IQANK1: variants seen among roughly 807,000 people sequenced by gnomAD.
The protein encoded by IQANK1 is IQ motif and ankyrin repeat containing 1.
In IQANK1, 30 loss-of-function variants were observed where a neutral mutation model predicts 22.6. That is an observed-to-expected ratio of 1.33 (90% CI 0.99 to 1.80). IQANK1 has a LOEUF of 1.80. Ranked by LOEUF, IQANK1 falls within the 40% of genes most tolerant of loss-of-function variation. The pLI is 0.00. For missense variants in IQANK1, 275 were observed against 235.2 expected (o/e 1.17, Z -1.11); for synonymous variants, 122 against 99.6 (o/e 1.23, Z -1.34).
intron 7 of IQANK1, among the ~76,000 whole-genome samples, chr8:143,782,027 A>G (rs1308115504): frequency 6.6e-6 from 1 of 151,514 alleles, no homozygotes; most frequent in African/African-American, 2.4e-5. Flanking sequence ...GAGATCTTTC[A>G]CCTCCCTGGT....
At chr8:143,783,656 A>G (rs566671523) in intron 7 of IQANK1, among the ~76,000 whole-genome samples, 270 of 152,304 alleles carry the variant, frequency 1.8e-3, no homozygotes, top group African/African-American at 6.1e-3. Context: ...CATCCTCCCA[A>G]GGACATAAAG....
chr8:143,773,161 G>T (rs1347247572), intron 7 of IQANK1, among the ~76,000 whole-genome samples: 4 of 152,176 alleles, frequency 2.6e-5, no homozygotes, highest in Admixed American at 1.3e-4. Flanking sequence ...ACAAAAATTA[G>T]CTGGGCGTCG....
At chr8:143,739,638 G>A (rs1818840221) in intron 2 of IQANK1, 5 of 437,044 alleles carry the variant, frequency 1.1e-5, no homozygotes, top group Admixed American at 4.3e-5. Flanking sequence ...GCTGGCTCTC[G>A]CCTGTGCCTC....
chr8:143,781,134 A>G (rs926108932), intron 7 of IQANK1, among the ~76,000 whole-genome samples: 2 of 152,092 alleles, frequency 1.3e-5, no homozygotes, highest in South Asian at 4.1e-4. Context: ...CTTATTTTGA[A>G]AAGTGTCTGT....
chr8:143,790,099 G>A, intron 12 of IQANK1, 35 bp downstream of exon 12: 1 of 1,232,138 alleles, frequency 8.1e-7, no homozygotes, highest in Non-Finnish European at 1.0e-6. Flanking sequence ...GCGATTTGGG[G>A]TTTGGACAGA....
At chr8:143,773,168 G>A (rs191887689) in intron 7 of IQANK1, among the ~76,000 whole-genome samples, 116 of 152,250 alleles carry the variant, frequency 7.6e-4, no homozygotes, top group African/African-American at 2.6e-3. Context: ...TTAGCTGGGC[G>A]TCGTGGCGCA....
chr8:143,751,650 G>GTATATATATATATATATATA (rs1223222979), intron 3 of IQANK1, among the ~76,000 whole-genome samples: 2 of 27,852 alleles, frequency 7.2e-5, no homozygotes, highest in African/African-American at 1.6e-4. Flanking sequence ...GTGTGTGTGT[G>GTATATATATATATATATATA]TGTGTGTGTG....
chr8:143,741,633 C>T (rs1356912169), intron 3 of IQANK1: 5 of 152,404 alleles, frequency 3.3e-5, no homozygotes, highest in African/African-American at 1.2e-4. Flanking sequence ...AGACGGCGGG[C>T]TCAGGGCGAG....
Position 143,774,399 on chromosome 8 carries a change from G to T in IQANK1, c.789+1917G>T, listed in dbSNP as rs782811789. The stretch of plus-strand genomic sequence containing the variant: ...TATAAAATGAGCAAAGACATGAAGA[G>T]AAATTTCACCAAAGAGGATCTAATG... On this transcript the variant is annotated intron_variant, in intron 7 of 13. Transcript: ENST00000527139. This position sits in a 1 kb window ranked among gnomAD's most constrained non-coding sequence, Gnocchi z 4.2. 1.1e-4 allele frequency among the ~76,000 whole-genome samples: 17 copies of T among 152,184 alleles called. No homozygotes were observed. The highest frequency in any genetic ancestry group is 2.5e-4 in the Non-Finnish European group (17 of 68,024).
Position 143,762,970 on chromosome 8 carries a change from T to G in IQANK1, c.176-8518T>G, listed in dbSNP as rs552623931. Among the ~76,000 whole-genome samples the G allele has an allele frequency of 4.6e-5, 7 of 152,012 alleles. No homozygotes were observed. The East Asian group carries it at 1.3e-3, about 29-fold the overall frequency. ...TTTTTCTTTTCTCTTTTCTTTTCTTTCCTTTCCTTTCCTTTTGTTTTCCTT... is the reference window on the plus strand; with the variant it reads ...TTTTTCTTTTCTCTTTTCTTTTCTTGCCTTTCCTTTCCTTTTGTTTTCCTT... On this transcript the variant is annotated intron_variant, in intron 3 of 13. Transcript: ENST00000527139.
chr8:143,776,680 GAAGA>G (rs1165955782), intron 7 of IQANK1, among the ~76,000 whole-genome samples: 2 of 152,182 alleles, frequency 1.3e-5, no homozygotes, highest in Non-Finnish European at 1.5e-5. Context: ...GGAGACAGCT[GAAGA>G]AAGAAAGAAC....
At chr8:143,742,873 C>G (rs1818951998) in intron 3 of IQANK1, 1 of 456,126 alleles carries the variant, frequency 2.2e-6, no homozygotes, top group Non-Finnish European at 4.4e-6. Context: ...GCTAAGGGGC[C>G]TGGCAAGCAC....
intron 7 of IQANK1, among the ~76,000 whole-genome samples, chr8:143,773,926 C>T (rs1256548356): frequency 1.3e-5 from 2 of 152,090 alleles, no homozygotes; most frequent in African/African-American, 4.8e-5. Context: ...AGGGCAGCAG[C>T]TGGGGGTGCT....
rs1554625599 is a variant in IQANK1, at chr8:143,735,885, C to T, written c.32C>T (p.Ala11Val). The change falls in exon 2 of 14, where the codon GCA becomes GTA. Residue 11 changes from alanine (A) to valine (V), a missense_variant. By Grantham distance (64) the Ala-to-Val change is moderately conservative. Coordinates refer to ENST00000527139, the MANE Select transcript of IQANK1 (RefSeq NM_001381874.1). The surrounding 1 kb of genome is among the most constrained non-coding windows in gnomAD (Gnocchi z 5.2). The stretch of plus-strand genomic sequence containing the variant: ...AGTAAGAAGGGGAGACCCAAAGCTG[C>T]AGCTGGGAAGTGGCAGACGCTCCAC... Reference protein sequence around the residue: MDSKKGRPKAAAGKWQTLHPG... With the variant: MDSKKGRPKAVAGKWQTLHPG... The T allele has an allele frequency of 2.8e-6, 2 of 702,538 alleles. No individual in the cohort carries two copies. The highest frequency in any genetic ancestry group is 2.6e-6 in the Non-Finnish European group (1 of 384,954). The allele number at this position is 702,538 out of a possible 1,614,324, so 43.5% of individuals were successfully genotyped here. A position where few individuals can be genotyped will look rare whatever the true frequency, so the allele number is the denominator to read the frequency against.
intron 3 of IQANK1, chr8:143,746,165 T>C (rs1323717868): frequency 6.6e-6 from 1 of 152,276 alleles, no homozygotes. Context: ...TTTCCTTGCC[T>C]AACTGCTCTG....
intron 8 of IQANK1, 49 bp downstream of exon 8, chr8:143,789,112 TGGCAGGGAGCCCG>T (rs1819956524): frequency 1.0e-5 from 4 of 401,186 alleles, no homozygotes; most frequent in Non-Finnish European, 1.8e-5. Flanking sequence ...CAAGGGGCGC[TGGCAGGGAGCCCG>T]GGCAGGGGGT....
intron 3 of IQANK1, among the ~76,000 whole-genome samples, chr8:143,756,442 C>G (rs1394118000): frequency 6.6e-6 from 1 of 151,904 alleles, no homozygotes; most frequent in Non-Finnish European, 1.5e-5. Context: ...GATGGAGGAG[C>G]ACCCCGTGTC....
chr8:143,782,859 T>G (rs1563780600), intron 7 of IQANK1, among the ~76,000 whole-genome samples: 1 of 152,228 alleles, frequency 6.6e-6, no homozygotes, highest in Non-Finnish European at 1.5e-5. Context: ...ATCCATTCAT[T>G]CCTAAACATG....
chr8:143,751,664 G>GTATGTATATATATATATATATATA (rs1554628035), intron 3 of IQANK1, among the ~76,000 whole-genome samples: 3 of 61,550 alleles, frequency 4.9e-5, no homozygotes, highest in East Asian at 7.5e-4. Flanking sequence ...GTGTGTGTGT[G>GTATGTATATATATATATATATATA]TATATATATA....
Sources: gnomAD v4.1 joint callset for allele counts (sites outside exome capture counted in the v4.1 genomes callset) on GRCh38, gnomAD v4.1.1 for gene constraint, Gnocchi (gnomAD v3.1) non-coding constraint, MANE v1.5 for transcripts, NCBI Gene and HGNC (gene_info 2026-07-23, HGNC 2026-07-21) for gene names.